NTSR1: variants seen among roughly 807,000 people sequenced by gnomAD.
The protein encoded by NTSR1 is neurotensin receptor type 1.
A neutral mutation model predicts 31.2 loss-of-function variants in NTSR1; 29 were observed. The observed-to-expected ratio is 0.93, with a 90% CI of 0.69 to 1.27. NTSR1 has a LOEUF of 1.27. Among genes scored for constraint, NTSR1 ranks in the 50% most tolerant of loss-of-function variants. The pLI, the probability that NTSR1 is intolerant of heterozygous loss-of-function variation, is 0.00. For synonymous variants in NTSR1, 282 were observed against 269.9 expected (o/e 1.04, Z -0.44); for missense variants, 697 against 595.4 (o/e 1.17, Z -1.78).
In NTSR1 at chr20:62,732,254, C is replaced by G. The variant is rs2147138825; in HGVS notation, c.714+22333C>G. On this transcript the variant is annotated intron_variant, in intron 1 of 3. Coordinates refer to ENST00000370501, the MANE Select transcript of NTSR1 (RefSeq NM_002531.3). This position sits in a 1 kb window ranked among gnomAD's most constrained non-coding sequence, Gnocchi z 4.0. ...GGATAGGGGGCCTCCCTGCCTCCTTCCCTATCTTAGGAAGAAAAGCTTCAG... is the reference window on the plus strand; with the variant it reads ...GGATAGGGGGCCTCCCTGCCTCCTTGCCTATCTTAGGAAGAAAAGCTTCAG... 6.6e-6 allele frequency among the ~76,000 whole-genome samples: 1 copy of G among 152,274 alleles called. No homozygotes were observed. Among genetic ancestry groups the G allele is most frequent in the Non-Finnish European group, 1.5e-5 (1 of 68,022 alleles).
chr20:62,723,784 CG>C (rs1367720614), intron 1 of NTSR1, among the ~76,000 whole-genome samples: 1 of 152,222 alleles, frequency 6.6e-6, no homozygotes. Context: ...CCCCCAAGCA[CG>C]GGGCTTTATT....
chr20:62,719,109 C>CT lies in NTSR1; in HGVS notation c.714+9197dup, dbSNP rs936593226. Among the ~76,000 whole-genome samples, 15 of 108,008 alleles carry CT rather than the reference C, an allele frequency of 1.4e-4. 1 individual carries two copies. Among genetic ancestry groups the CT allele is most frequent in the African/African-American group, 4.4e-4 (14 of 31,750 alleles). 70.9% of individuals were successfully genotyped at this position (108,008 alleles called of 152,430 possible). ...GACATCCTTGCCTTGCTTCCAGTCC[C>CT]TTTTTTTTTCTTTCAAAAAAAAAAA... On this transcript the variant is annotated intron_variant, in intron 1 of 3. Coordinates refer to ENST00000370501, the MANE Select transcript of NTSR1 (RefSeq NM_002531.3).
chr20:62,709,673 G>T lies in NTSR1; in HGVS notation c.466G>T (p.Ala156Ser). The T allele has an allele frequency of 6.2e-7, 1 of 1,612,674 alleles. No individual in the cohort carries two copies. The highest frequency in any genetic ancestry group is 8.5e-7 in the Non-Finnish European group (1 of 1,179,884). ...FLRDACTYAT[A>S]LNVASLSVER... ...GCGCGACGCCTGCACCTACGCCACG[G>T]CCCTCAACGTGGCCAGCCTGAGTGT... The change falls in exon 1 of 4, where the codon GCC becomes TCC. Residue 156 changes from alanine (A) to serine (S), a missense_variant. Coordinates refer to ENST00000370501, the MANE Select transcript of NTSR1 (RefSeq NM_002531.3).
chr20:62,739,547 G>A (rs1047407118), intron 1 of NTSR1, among the ~76,000 whole-genome samples: 1 of 152,212 alleles, frequency 6.6e-6, no homozygotes, highest in Non-Finnish European at 1.5e-5. Flanking sequence ...GTGAGGGGCC[G>A]CCCCCGGCCT....
intron 2 of NTSR1, among the ~76,000 whole-genome samples, chr20:62,756,173 A>T (rs1469969694): frequency 6.6e-6 from 1 of 152,036 alleles, no homozygotes; most frequent in Non-Finnish European, 1.5e-5. Context: ...AGTGATGAGC[A>T]TGAAGAAAAA....
rs1243334993 is a variant in NTSR1 at position 62,733,705 on chromosome 20, G to C, written c.715-20980G>C. Among the ~76,000 whole-genome samples, 1 of 151,786 alleles carries C rather than the reference G, an allele frequency of 6.6e-6. No homozygotes were observed. Among genetic ancestry groups the C allele is most frequent in the African/African-American group, 2.4e-5 (1 of 41,258 alleles). ...AGAGGGAAAGGCAGAGAGAGAAACA[G>C]AGGGAGAAACACAAAGAGAGGGAGA... On this transcript the variant is annotated intron_variant, in intron 1 of 3. Coordinates refer to ENST00000370501, the MANE Select transcript of NTSR1 (RefSeq NM_002531.3). The surrounding 1 kb of genome is among the most constrained non-coding windows in gnomAD (Gnocchi z 5.2).
Position 62,709,364 on chromosome 20 carries a change from G to T in NTSR1, c.157G>T (p.Glu53Ter). The T allele has an allele frequency of 6.2e-7, 1 of 1,609,492 alleles. No homozygotes were observed. The change falls in exon 1 of 4, where the codon GAG (glutamate) becomes TAG (stop). Residue 53 changes from glutamate (E) to a stop codon, truncating the protein, a stop_gained. Coordinates refer to ENST00000370501, the MANE Select transcript of NTSR1 (RefSeq NM_002531.3). LOFTEE classifies it high-confidence loss of function. ...SERVLAAPSS[E>*]LDVNTDIYSK... is the part of the protein sequence containing the mutation. Reference sequence around the variant, plus strand: ...GCGCGTCCTGGCGGCACCCAGCAGCGAGCTGGACGTGAACACCGACATCTA... The same window carrying T: ...GCGCGTCCTGGCGGCACCCAGCAGCTAGCTGGACGTGAACACCGACATCTA...
At position 62,761,633 on chromosome 20, in the gene NTSR1, G is replaced by A. The variant is rs973742675; in HGVS notation, c.*1366G>A. 2 of 152,222 alleles carry A rather than the reference G, an allele frequency of 1.3e-5. No homozygotes were observed. The highest frequency in any genetic ancestry group is 4.8e-5 in the African/African-American group (2 of 41,448). 9.4% of individuals were successfully genotyped at this position (152,222 alleles called of 1,614,324 possible). Reference sequence around the variant, plus strand: ...ATTTCCCTGTCTCAGAGCAGCCTTTGCCCCAGGGAAATGGGCTCTGGGCTG... The same window carrying A: ...ATTTCCCTGTCTCAGAGCAGCCTTTACCCCAGGGAAATGGGCTCTGGGCTG... On this transcript the variant is annotated 3_prime_UTR_variant, in exon 4 of 4. Transcript: ENST00000370501.
Position 62,760,219 on chromosome 20 carries a change from C to T in NTSR1, c.1209C>T (p.Ser403=). The T allele has an allele frequency of 3.1e-6, 5 of 1,613,682 alleles. No individual in the cohort carries two copies. The highest frequency in any genetic ancestry group is 4.2e-6 in the Non-Finnish European group (5 of 1,180,008). ...PAFSRKADSV[S]SNHTLSSNAT... ...TCTCGAGGAAGGCCGACAGCGTGTCCAGCAACCACACCCTCTCCAGCAATG... is the reference window on the plus strand; with the variant it reads ...TCTCGAGGAAGGCCGACAGCGTGTCTAGCAACCACACCCTCTCCAGCAATG... The change falls in exon 4 of 4, where the codon TCC becomes TCT. Residue 403 remains serine, a synonymous_variant. Transcript: ENST00000370501.
At chr20:62,738,910 G>A (rs1020566059) in intron 1 of NTSR1, among the ~76,000 whole-genome samples, 1 of 152,214 alleles carries the variant, frequency 6.6e-6, no homozygotes, top group African/African-American at 2.4e-5. Context: ...GTCACTCAGC[G>A]AGGCCAAAAT....
chr20:62,745,910 A>G lies in NTSR1; in HGVS notation c.715-8775A>G, dbSNP rs1989292152. ...TGACTCCCTGCTCTCTTTAGAGACA[A>G]ATCGAAAGGCGCCAGGGTGCTGTGG... On this transcript the variant is annotated intron_variant, in intron 1 of 3. Transcript: ENST00000370501. The surrounding 1 kb of genome is among the most constrained non-coding windows in gnomAD (Gnocchi z 4.1). Among the ~76,000 whole-genome samples the G allele has an allele frequency of 6.6e-6, 1 of 152,212 alleles. No homozygotes were observed. Among genetic ancestry groups the G allele is most frequent in the Non-Finnish European group, 1.5e-5 (1 of 68,042 alleles).
rs1293167174 is a variant in NTSR1, at chr20:62,715,898, C to CTGGGCTGAGCA, written c.714+5978_714+5988dup. Among the ~76,000 whole-genome samples the CTGGGCTGAGCA allele has an allele frequency of 6.6e-6, 1 of 152,190 alleles. No individual in the cohort carries two copies. The highest frequency in any genetic ancestry group is 1.5e-5 in the Non-Finnish European group (1 of 68,030). Reference sequence around the variant, plus strand: ...CATCTGATGATGGGCAGAGAGGGCCCTGGGCTGAGCAGGGCCCGAGAGGAC... The same window carrying CTGGGCTGAGCA: ...CATCTGATGATGGGCAGAGAGGGCCCTGGGCTGAGCATGGGCTGAGCAGGGCCCGAGAGGAC... On this transcript the variant is annotated intron_variant, in intron 1 of 3. Coordinates refer to ENST00000370501, the MANE Select transcript of NTSR1 (RefSeq NM_002531.3). The surrounding 1 kb of genome is among the most constrained non-coding windows in gnomAD (Gnocchi z 4.7).
intron 3 of NTSR1, among the ~76,000 whole-genome samples, chr20:62,759,602 G>A (rs187717820): frequency 9.3e-4 from 142 of 152,156 alleles, no homozygotes; most frequent in African/African-American, 3.2e-3. Context: ...GTGAAACCCC[G>A]TCTCTACCAA....
chr20:62,744,223 G>C lies in NTSR1; in HGVS notation c.715-10462G>C, dbSNP rs1029633924. 6.6e-6 allele frequency among the ~76,000 whole-genome samples: 1 copy of C among 152,168 alleles called. No homozygotes were observed. The highest frequency in any genetic ancestry group is 6.5e-5 in the Admixed American group (1 of 15,282). ...CCAAGGGAGCACAGTCAGTGCTCCA[G>C]GAACTGAGGCAGCACCTCTAGGCTC... On this transcript the variant is annotated intron_variant, in intron 1 of 3. Coordinates refer to ENST00000370501, the MANE Select transcript of NTSR1 (RefSeq NM_002531.3). This position sits in a 1 kb window ranked among gnomAD's most constrained non-coding sequence, Gnocchi z 4.1.
rs59903116 is a variant in NTSR1, at chr20:62,760,402, A to ACCCCCCCCCCCCCCCCCCCC, written c.*143_*144insCCCCCCCCCCCCCCCCCCCC. 20 of 861,390 alleles carry ACCCCCCCCCCCCCCCCCCCC rather than the reference A, an allele frequency of 2.3e-5. No individual in the cohort carries two copies. Among genetic ancestry groups the ACCCCCCCCCCCCCCCCCCCC allele is most frequent in the African/African-American group, 1.4e-4 (6 of 44,086 alleles). The allele number at this position is 861,390 out of a possible 1,614,324, so 53.4% of individuals were successfully genotyped here. On this transcript the variant is annotated 3_prime_UTR_variant, in exon 4 of 4. Transcript: ENST00000370501. ...CCTGCACTGGAGTCTGAGGCCTGGG[A>ACCCCCCCCCCCCCCCCCCCC]CCCCCCCCTCCCACCCCCTAACCCA...
At chr20:62,734,521 T>TC (rs1989053047) in intron 1 of NTSR1, among the ~76,000 whole-genome samples, 1 of 152,226 alleles carries the variant, frequency 6.6e-6, no homozygotes, top group African/African-American at 2.4e-5. Context: ...CTGGAGGCTC[T>TC]GGGTTCTCTG....
intron 1 of NTSR1, among the ~76,000 whole-genome samples, chr20:62,723,344 G>A (rs1028880166): frequency 7.2e-5 from 11 of 152,154 alleles, no homozygotes; most frequent in African/African-American, 9.7e-5. Flanking sequence ...GCAGAATCAC[G>A]AAGCCCCCGG....
intron 1 of NTSR1, among the ~76,000 whole-genome samples, chr20:62,728,027 A>G (rs1311572607): frequency 1.3e-5 from 2 of 152,208 alleles, no homozygotes; most frequent in Non-Finnish European, 2.9e-5. Context: ...AGGGCCAAGG[A>G]AGGGCCAGTC....
intron 2 of NTSR1, among the ~76,000 whole-genome samples, chr20:62,757,150 G>T (rs1213178725): frequency 6.6e-6 from 1 of 152,062 alleles, no homozygotes; most frequent in Non-Finnish European, 1.5e-5. Flanking sequence ...AGAAATCATT[G>T]CCAAAATCAA....
Sources: gnomAD v4.1 joint callset for allele counts (sites outside exome capture counted in the v4.1 genomes callset) on GRCh38, gnomAD v4.1.1 for gene constraint, Gnocchi (gnomAD v3.1) non-coding constraint, MANE v1.5 for transcripts, NCBI Gene and HGNC (gene_info 2026-07-23, HGNC 2026-07-21) for gene names.